Variants in SLC28A3 observed in about 807,000 individuals in gnomAD.
SLC28A3 encodes the protein solute carrier family 28 member 3.
A neutral mutation model predicts 84.2 loss-of-function variants in SLC28A3; 68 were observed. That is an observed-to-expected ratio of 0.81 (90% CI 0.66 to 0.99). The LOEUF (loss-of-function observed/expected upper bound fraction) is 0.99. Among genes scored for constraint, SLC28A3 ranks in the 50% least tolerant of loss-of-function variants. The pLI, the probability that SLC28A3 is intolerant of heterozygous loss-of-function variation, is 0.00. For synonymous variants in SLC28A3, 267 were observed against 303.6 expected (o/e 0.88, Z 1.25); for missense variants, 712 against 841.5 (o/e 0.85, Z 1.90).
chr9:84,334,312 A>G (rs1430515103), intron 1 of SLC28A3, among the ~76,000 whole-genome samples: 1 of 152,238 alleles, frequency 6.6e-6, no homozygotes, highest in African/African-American at 2.4e-5. Context: ...AAAACAAAAA[A>G]AAAGTTTCAA....
intron 8 of SLC28A3, among the ~76,000 whole-genome samples, chr9:84,295,648 A>G (rs1381785014): frequency 1.3e-5 from 2 of 152,010 alleles, no homozygotes; most frequent in African/African-American, 4.8e-5. Context: ...CCTAGATCCT[A>G]TTTTCCTGAT....
chr9:84,330,488 T>C lies in SLC28A3; in HGVS notation c.60+10086A>G, dbSNP rs117556565. On this transcript the variant is annotated intron_variant, in intron 1 of 17. Coordinates refer to ENST00000376238, the MANE Select transcript of SLC28A3 (RefSeq NM_001199633.2). ...CAATAGAATAACCATCAGTGGCAAGTGGTTACTGAGTGCTTGAAATGTGAC... is the reference window on the plus strand; with the variant it reads ...CAATAGAATAACCATCAGTGGCAAGCGGTTACTGAGTGCTTGAAATGTGAC... Among the ~76,000 whole-genome samples, 1,480 of 152,306 alleles carry C rather than the reference T, an allele frequency of 9.7e-3. 9 individuals are homozygous for C. Among genetic ancestry groups the C allele is most frequent in the Middle Eastern group, 0.034 (10 of 294 alleles).
chr9:84,364,096 T>A, the SLC28A3 span, among the ~76,000 whole-genome samples: 4 of 151,584 alleles, frequency 2.6e-5, no homozygotes, highest in East Asian at 7.8e-4. Flanking sequence ...TTATCCTTTG[T>A]GTTACAAAAA....
At chr9:84,350,989 G>C in the SLC28A3 span, among the ~76,000 whole-genome samples, 1 of 152,134 alleles carries the variant, frequency 6.6e-6, no homozygotes, top group Non-Finnish European at 1.5e-5. Flanking sequence ...TTACAGGCAT[G>C]AGCAACGGTG....
rs138934163 is a variant in SLC28A3, at chr9:84,299,599, A to G, written c.651T>C (p.Phe217=). The G allele has an allele frequency of 1.1e-4, 172 of 1,613,898 alleles. 1 individual carries two copies. In the African/African-American group the frequency reaches 2.0e-3, roughly 19 times the overall value. ...LIMYIVLLFL[F]SKYPTRVYWR... Reference sequence around the variant, plus strand: ...TACTTACTCTGGTTGGGTACTTGGAAAATAGAAATAACAGGACAATGTACA... The same window carrying G: ...TACTTACTCTGGTTGGGTACTTGGAGAATAGAAATAACAGGACAATGTACA... Residue 217 remains phenylalanine, a synonymous_variant, in exon 6 of 18, where the codon TTT becomes TTC. Transcript: ENST00000376238.
intron 14 of SLC28A3, among the ~76,000 whole-genome samples, chr9:84,283,044 T>A (rs1824820786): frequency 6.6e-6 from 1 of 152,238 alleles, no homozygotes; most frequent in Admixed American, 6.5e-5. Context: ...TCAGTTCAGC[T>A]GGCTTCAAAA....
intron 4 of SLC28A3, among the ~76,000 whole-genome samples, chr9:84,304,059 C>A (rs1307384724): frequency 6.6e-6 from 1 of 152,198 alleles, no homozygotes; most frequent in Non-Finnish European, 1.5e-5. Context: ...ACTTTCCTTT[C>A]CAAATGTTTG....
the SLC28A3 span, among the ~76,000 whole-genome samples, chr9:84,349,628 G>A: frequency 6.6e-6 from 1 of 152,222 alleles, no homozygotes; most frequent in African/African-American, 2.4e-5. Context: ...ACGGGTCCAT[G>A]GGAAACCTGT....
At chr9:84,364,564 A>G in the SLC28A3 span, among the ~76,000 whole-genome samples, 1 of 151,986 alleles carries the variant, frequency 6.6e-6, no homozygotes, top group South Asian at 2.1e-4. Context: ...ACAGTTAAGT[A>G]ATTATTAACT....
intron 1 of SLC28A3, among the ~76,000 whole-genome samples, chr9:84,334,941 C>A (rs1347176412): frequency 5.3e-5 from 8 of 152,092 alleles, no homozygotes; most frequent in Non-Finnish European, 8.8e-5. Flanking sequence ...TCGCCCCTCT[C>A]CTGGTTCTGC....
intron 1 of SLC28A3, among the ~76,000 whole-genome samples, chr9:84,318,206 T>C (rs1826238877): frequency 6.6e-6 from 1 of 152,204 alleles, no homozygotes; most frequent in South Asian, 2.1e-4. Flanking sequence ...ATGTTCTTGT[T>C]TTACCTGCCT....
At chr9:84,351,845 G>T in the SLC28A3 span, among the ~76,000 whole-genome samples, 2 of 150,588 alleles carry the variant, frequency 1.3e-5, no homozygotes, top group African/African-American at 4.9e-5. Context: ...GGAATAAAGT[G>T]ATATAATGTC....
chr9:84,279,088 C>T (rs568807481), intron 17 of SLC28A3, among the ~76,000 whole-genome samples, 177 bp downstream of exon 17: 1 of 147,340 alleles, frequency 6.8e-6, no homozygotes, highest in Non-Finnish European at 1.5e-5. Context: ...TAAATAGAGT[C>T]ATAAAGTTAT....
chr9:84,302,141 C>T (rs11568396), intron 5 of SLC28A3, 59 bp downstream of exon 5: 269 of 1,522,480 alleles, frequency 1.8e-4, no homozygotes, highest in Admixed American at 7.4e-4. Context: ...ATTTTTGAAA[C>T]GGTGTTGGAA....
At chr9:84,290,301 C>A (rs1825163812) in intron 10 of SLC28A3, 22 bp from the exon 11 acceptor site, 1 of 1,612,420 alleles carries the variant, frequency 6.2e-7, no homozygotes, top group Non-Finnish European at 8.5e-7. Context: ...GAAGGGTGAC[C>A]AGATTCCTTT....
the SLC28A3 span, among the ~76,000 whole-genome samples, chr9:84,367,812 T>C: frequency 0.055 from 8,423 of 152,232 alleles, 758 homozygotes; most frequent in African/African-American, 0.18. Flanking sequence ...CATCTCAGTG[T>C]AGCAAAGAGT....
the SLC28A3 span, among the ~76,000 whole-genome samples, chr9:84,346,917 G>A: frequency 0.054 from 8,229 of 152,160 alleles, 453 homozygotes; most frequent in East Asian, 0.17. Flanking sequence ...GTTCATGCCT[G>A]TAATCCCAGC....
intron 1 of SLC28A3, among the ~76,000 whole-genome samples, chr9:84,324,859 C>T (rs571983946): frequency 1.3e-5 from 2 of 152,174 alleles, no homozygotes; most frequent in African/African-American, 4.8e-5. Flanking sequence ...CCTGTCTTGG[C>T]CCCTTTTGGA....
chr9:84,320,983 AAAG>A (rs1056777050), intron 1 of SLC28A3, among the ~76,000 whole-genome samples: 3 of 151,656 alleles, frequency 2.0e-5, no homozygotes, highest in African/African-American at 7.3e-5. Context: ...AAAAAAAAAA[AAAG>A]AAAGAAAAGC....
Sources: gnomAD v4.1 joint callset for allele counts (sites outside exome capture counted in the v4.1 genomes callset) on GRCh38, gnomAD v4.1.1 for gene constraint, MANE v1.5 for transcripts, NCBI Gene and HGNC (gene_info 2026-07-23, HGNC 2026-07-21) for gene names.